The following INPP4A variants were observed in gnomAD, a reference collection of about 807,000 sequenced individuals.
INPP4A encodes the protein inositol polyphosphate-4-phosphatase, type I, 107kD.
A neutral mutation model predicts 119.8 loss-of-function variants in INPP4A; 33 were observed. The ratio of observed to expected loss-of-function variants is 0.28; its 90% CI spans 0.21 to 0.37. The LOEUF (loss-of-function observed/expected upper bound fraction) is 0.37, where lower values mean the gene tolerates loss of function less well. INPP4A is among the 10% of genes least tolerant of loss of function. INPP4A has a pLI of 1.00. For missense variants in INPP4A, 956 were observed against 1,289.9 expected (o/e 0.74, Z 3.97); for synonymous variants, 496 against 500.7 (o/e 0.99, Z 0.12).
At chr2:98,493,738 C>G (rs955397479) in intron 1 of INPP4A, among the ~76,000 whole-genome samples, 4 of 152,122 alleles carry the variant, frequency 2.6e-5, no homozygotes, top group African/African-American at 9.7e-5. Context: ...AGGCAGAACT[C>G]TACATGGAGT....
intron 1 of INPP4A, among the ~76,000 whole-genome samples, chr2:98,479,971 C>A (rs1445186477): frequency 6.6e-6 from 1 of 152,226 alleles, no homozygotes; most frequent in African/African-American, 2.4e-5. Flanking sequence ...GCTTTAGAAA[C>A]TGCCCCCAAA....
chr2:98,505,140 T>G (rs533036157), intron 1 of INPP4A, among the ~76,000 whole-genome samples: 29 of 152,354 alleles, frequency 1.9e-4, no homozygotes, highest in African/African-American at 6.3e-4. Flanking sequence ...AAAAGTTGGC[T>G]TAATGGTTGC....
At chr2:98,571,578 C>A (rs969464735) in intron 22 of INPP4A, among the ~76,000 whole-genome samples, 1 of 152,204 alleles carries the variant, frequency 6.6e-6, no homozygotes, top group Non-Finnish European at 1.5e-5. Context: ...AGCAGAGCAG[C>A]CAGGCTGGAC....
chr2:98,571,488 C>T (rs1012314276), intron 22 of INPP4A, among the ~76,000 whole-genome samples: 2 of 152,218 alleles, frequency 1.3e-5, no homozygotes, highest in African/African-American at 4.8e-5. Context: ...TGCCTAGCAC[C>T]TTAGAGGGCA....
rs948968293 is a variant in INPP4A at position 98,591,370 on chromosome 2, CTTAT to C, written c.*3765_*3768del. 2 of 152,790 alleles carry C rather than the reference CTTAT, an allele frequency of 1.3e-5. No individual in the cohort carries two copies. The highest frequency in any genetic ancestry group is 4.8e-5 in the African/African-American group (2 of 41,426). The allele number at this position is 152,790 out of a possible 1,614,324, so 9.5% of individuals were successfully genotyped here. ...ATTATTTTTTCAGCATTTACCTGTT[CTTAT>C]TTCTAGGATGTTTATGGTTTCAGTC... On this transcript the variant is annotated 3_prime_UTR_variant, in exon 25 of 25. Coordinates refer to ENST00000409851, the MANE Select transcript of INPP4A (RefSeq NM_001134225.2).
rs1448362380 is a variant in INPP4A at position 98,589,576 on chromosome 2, A to G, written c.*1968A>G. ...GAATTATTTTCCCAATTTTTGCTCT[A>G]TGTAATGGGTCACCATAAAACTGTA... On this transcript the variant is annotated 3_prime_UTR_variant, in exon 25 of 25. Coordinates refer to ENST00000409851, the MANE Select transcript of INPP4A (RefSeq NM_001134225.2). 1.1e-5 allele frequency: 2 copies of G among 179,198 alleles called. No homozygotes were observed. The highest frequency in any genetic ancestry group is 4.7e-5 in the African/African-American group (2 of 42,340). The allele number at this position is 179,198 out of a possible 1,614,324, so 11.1% of individuals were successfully genotyped here.
rs1452759094 is a variant in INPP4A, at chr2:98,569,099, C to T, written c.2518+431C>T. 1.2e-5 allele frequency: 2 copies of T among 171,222 alleles called. No individual in the cohort carries two copies. The highest frequency in any genetic ancestry group is 2.5e-5 in the Non-Finnish European group (2 of 79,184). 10.6% of individuals were successfully genotyped at this position (171,222 alleles called of 1,614,324 possible). On this transcript the variant is annotated intron_variant, in intron 22 of 24. Transcript: ENST00000409851. The surrounding 1 kb of genome is among the most constrained non-coding windows in gnomAD (Gnocchi z 5.1). ...GTGTTTGGGAGCAAGGTGGCCCCATCTCGGCATCTCCTGGAGGCAGTGGAG... is the reference window on the plus strand; with the variant it reads ...GTGTTTGGGAGCAAGGTGGCCCCATTTCGGCATCTCCTGGAGGCAGTGGAG...
At position 98,521,086 on chromosome 2, in the gene INPP4A, C is replaced by T. The variant is rs185030551; in HGVS notation, c.151+355C>T. On this transcript the variant is annotated intron_variant, in intron 4 of 24. Coordinates refer to ENST00000409851, the MANE Select transcript of INPP4A (RefSeq NM_001134225.2). The stretch of plus-strand genomic sequence containing the variant: ...AAAGGGAAGGAGGGGTTGGGGAAAC[C>T]GGGCATAGAGTTCAGCTTTGTTGCC... 7.8e-5 allele frequency: 17 copies of T among 216,712 alleles called. No homozygotes were observed. The East Asian group carries it at 1.4e-3, about 18-fold the overall frequency. The allele number at this position is 216,712 out of a possible 1,614,324, so 13.4% of individuals were successfully genotyped here.
chr2:98,557,364 G>T (rs1237666236), intron 16 of INPP4A, among the ~76,000 whole-genome samples: 1 of 152,212 alleles, frequency 6.6e-6, no homozygotes, highest in Non-Finnish European at 1.5e-5. Context: ...ATCTGTGGAT[G>T]GTCCTTAATT....
chr2:98,544,759 G>A (rs1049276796), intron 11 of INPP4A, among the ~76,000 whole-genome samples: 3 of 152,150 alleles, frequency 2.0e-5, no homozygotes, highest in Admixed American at 2.0e-4. Flanking sequence ...AAAACCATAA[G>A]CCCTTGATGT....
At chr2:98,471,212 T>C (rs146075193) in intron 1 of INPP4A, among the ~76,000 whole-genome samples, 46 of 152,324 alleles carry the variant, frequency 3.0e-4, no homozygotes, top group Admixed American at 5.9e-4. Flanking sequence ...GTGGCTTCAC[T>C]GTAGATGGCC....
At chr2:98,478,403 C>T (rs1217067558) in intron 1 of INPP4A, among the ~76,000 whole-genome samples, 2 of 152,160 alleles carry the variant, frequency 1.3e-5, no homozygotes, top group South Asian at 2.1e-4. Flanking sequence ...GCTTCTCTGC[C>T]GATCTGAGGT....
chr2:98,519,973 C>T lies in INPP4A; in HGVS notation c.-76C>T, dbSNP rs1195498520. On this transcript the variant is annotated 5_prime_UTR_variant, in exon 3 of 25. Coordinates refer to ENST00000409851, the MANE Select transcript of INPP4A (RefSeq NM_001134225.2). ...CTACTGCCACTTTAGTGGACTAGGGCTCGGTGCCAGCACTTCCCGGGTAAT... is the reference window on the plus strand; with the variant it reads ...CTACTGCCACTTTAGTGGACTAGGGTTCGGTGCCAGCACTTCCCGGGTAAT... 7.5e-6 allele frequency: 9 copies of T among 1,200,924 alleles called. No individual in the cohort carries two copies. The African/African-American group carries it at 9.0e-5, about 12-fold the overall frequency. 74.4% of individuals were successfully genotyped at this position (1,200,924 alleles called of 1,614,324 possible). A position where few individuals can be genotyped will look rare whatever the true frequency, so the allele number is the denominator to read the frequency against.
In INPP4A at chr2:98,577,001, C is replaced by T. The variant is rs769799518; in HGVS notation, c.2644C>T (p.Leu882Phe). ...LWQAAEICRR[L>F]NGVRFTSCKS... ...TTTCTGTTGGCAGATCTGCCGCCGC[C>T]TTAATGGGGTCCGGTTCACCAGCTG... The change falls in exon 24 of 25, where the codon CTT becomes TTT. Residue 882 changes from leucine to phenylalanine, a missense_variant. By Grantham distance (22) the Leu-to-Phe change is conservative. Coordinates refer to ENST00000409851, the MANE Select transcript of INPP4A (RefSeq NM_001134225.2). The T allele has an allele frequency of 1.1e-5, 17 of 1,612,862 alleles. No homozygotes were observed. The highest frequency in any genetic ancestry group is 8.3e-5 in the Admixed American group (5 of 59,950).
chr2:98,486,939 T>A (rs1679668808), intron 1 of INPP4A, among the ~76,000 whole-genome samples: 1 of 152,188 alleles, frequency 6.6e-6, no homozygotes, highest in Non-Finnish European at 1.5e-5. Flanking sequence ...AGCTAAGTAC[T>A]GTGGAGATAT....
chr2:98,461,926 A>G (rs994896052), intron 1 of INPP4A, among the ~76,000 whole-genome samples: 1 of 152,182 alleles, frequency 6.6e-6, no homozygotes, highest in Non-Finnish European at 1.5e-5. Flanking sequence ...TGTGCTTCAC[A>G]CTAATACGTT....
intron 1 of INPP4A, among the ~76,000 whole-genome samples, chr2:98,487,165 G>A (rs536918515): frequency 6.6e-6 from 1 of 152,306 alleles, no homozygotes; most frequent in African/African-American, 2.4e-5. Context: ...ACATTGTAGT[G>A]TGTTAATTGT....
At chr2:98,584,790 G>GA (rs1398278301) in intron 24 of INPP4A, among the ~76,000 whole-genome samples, 1 of 152,236 alleles carries the variant, frequency 6.6e-6, no homozygotes, top group Admixed American at 6.5e-5. Context: ...AAGTATTTGA[G>GA]AAAAGAAACT....
chr2:98,546,777 C>T lies in INPP4A; in HGVS notation c.1163+83C>T. On this transcript the variant is annotated intron_variant, in intron 13 of 24. Coordinates refer to ENST00000409851, the MANE Select transcript of INPP4A (RefSeq NM_001134225.2). The surrounding 1 kb of genome is among the most constrained non-coding windows in gnomAD (Gnocchi z 4.2). ...AGTTTAAAATAAAATCAAAATATGA[C>T]CGCAAAAACACCCAGCCATCTGATC... 1 of 875,910 alleles carries T rather than the reference C, an allele frequency of 1.1e-6. No homozygotes were observed. Among genetic ancestry groups the T allele is most frequent in the Non-Finnish European group, 1.9e-6 (1 of 534,982 alleles). The allele number at this position is 875,910 out of a possible 1,614,324, so 54.3% of individuals were successfully genotyped here.
Sources: allele counts gnomAD v4.1 joint callset (sites outside exome capture counted in the v4.1 genomes callset), GRCh38; gene constraint gnomAD v4.1.1; non-coding constraint Gnocchi (gnomAD v3.1); transcripts MANE v1.5; gene names NCBI Gene and HGNC (gene_info 2026-07-23, HGNC 2026-07-21).